Variants in ASB2 observed in about 807,000 individuals in gnomAD.
The protein encoded by ASB2 is ankyrin repeat and SOCS box protein 2.
A neutral mutation model predicts 62.4 loss-of-function variants in ASB2; 58 were observed. That is an observed-to-expected ratio of 0.93 (90% CI 0.75 to 1.16). The LOEUF is 1.16. Among genes scored for constraint, ASB2 ranks in the 50% most tolerant of loss-of-function variants. The pLI is 0.00. For missense variants in ASB2, 928 were observed against 887.9 expected (o/e 1.05, Z -0.57); for synonymous variants, 386 against 385.3 (o/e 1.00, Z -0.02).
At chr14:93,952,913 C>T (rs965326127) in intron 5 of ASB2, among the ~76,000 whole-genome samples, 1 of 152,190 alleles carries the variant, frequency 6.6e-6, no homozygotes, top group African/African-American at 2.4e-5. Context: ...AACAAATGTC[C>T]CAGAGGTACA....
intron 7 of ASB2, among the ~76,000 whole-genome samples, chr14:93,945,528 A>G (rs988067578): frequency 7.9e-5 from 12 of 152,178 alleles, no homozygotes; most frequent in African/African-American, 2.9e-4. Context: ...CAACCCCATG[A>G]GGCGGGTGTA....
chr14:93,964,513 G>T lies in ASB2; in HGVS notation c.27C>A (p.Gly9=). 2.0e-6 allele frequency: 3 copies of T among 1,536,094 alleles called. No homozygotes were observed. Among genetic ancestry groups the T allele is most frequent in the Non-Finnish European group, 2.6e-6 (3 of 1,146,898 alleles). MATQISTR[G]SQCTIGQEEY... is the part of the protein sequence containing the mutation. Reference sequence around the variant, plus strand: ...CCTCCTGCCCAATGGTACACTGGCTGCCCCGAGTGCTGATCTGCGTGGCCA... The same window carrying T: ...CCTCCTGCCCAATGGTACACTGGCTTCCCCGAGTGCTGATCTGCGTGGCCA... Residue 9 remains glycine, a synonymous_variant, in exon 2 of 10, where the codon GGC becomes GGA. Coordinates refer to ENST00000555019, the MANE Select transcript of ASB2 (RefSeq NM_001202429.2).
chr14:93,955,126 G>T (rs905502440), intron 3 of ASB2: 2 of 456,574 alleles, frequency 4.4e-6, no homozygotes, highest in African/African-American at 2.0e-5. Context: ...TGGAGAGTCC[G>T]TGAGAACCAC....
Position 93,947,995 on chromosome 14 carries a change from GAAAAAAAAAAAAA to G in ASB2, c.881-488_881-476del, listed in dbSNP as rs55666799. On this transcript the variant is annotated intron_variant, in intron 6 of 9. Coordinates refer to ENST00000555019, the MANE Select transcript of ASB2 (RefSeq NM_001202429.2). ...GGCAACAAGAGTGAAACTCCGCCTG[GAAAAAAAAAAAAA>G]AAAAAAAAAAGACCCAGGGGCCTGC... Among the ~76,000 whole-genome samples, 48 of 72,496 alleles carry G rather than the reference GAAAAAAAAAAAAA, an allele frequency of 6.6e-4. 2 individuals are homozygous for G. Among genetic ancestry groups the G allele is most frequent in the Admixed American group, 3.6e-3 (20 of 5,536 alleles). 47.6% of individuals were successfully genotyped at this position (72,496 alleles called of 152,430 possible).
At chr14:93,953,936 A>G (rs1315258989) in intron 4 of ASB2, among the ~76,000 whole-genome samples, 2 of 152,196 alleles carry the variant, frequency 1.3e-5, no homozygotes, top group Non-Finnish European at 2.9e-5. Flanking sequence ...GAGAGGAGGC[A>G]CGGCTGTCCC....
At chr14:93,974,697 G>A (rs972238451) in intron 1 of ASB2, among the ~76,000 whole-genome samples, 10 of 152,182 alleles carry the variant, frequency 6.6e-5, no homozygotes, top group African/African-American at 2.2e-4. Flanking sequence ...ACTTGCAGCC[G>A]TCCAGCCTTA....
rs190803629 is a variant in ASB2 at position 93,941,648 on chromosome 14, A to T, written c.1053-1976T>A. ...CCTGGATGGCGGCCACGGCCAACAA[A>T]TGCTCTGCTAACAGCTGTAACGTGC... On this transcript the variant is annotated intron_variant, in intron 7 of 9. Transcript: ENST00000555019. 2.1e-3 allele frequency: 976 copies of T among 455,940 alleles called. 11 individuals are homozygous for T. The highest frequency in any genetic ancestry group is 0.017 in the African/African-American group (869 of 50,092). 28.2% of individuals were successfully genotyped at this position (455,940 alleles called of 1,614,324 possible). A position where few individuals can be genotyped will look rare whatever the true frequency, so the allele number is the denominator to read the frequency against.
intron 9 of ASB2, among the ~76,000 whole-genome samples, chr14:93,935,691 G>A (rs1312682336): frequency 2.6e-5 from 4 of 152,218 alleles, no homozygotes; most frequent in Non-Finnish European, 5.9e-5. Flanking sequence ...GGGCAGGTGG[G>A]ATGTGGAGCA....
At chr14:93,968,786 C>A (rs1889669393) in intron 1 of ASB2, among the ~76,000 whole-genome samples, 1 of 152,214 alleles carries the variant, frequency 6.6e-6, no homozygotes, top group African/African-American at 2.4e-5. Flanking sequence ...TTCTGAGGAG[C>A]AGGACTATGT....
At chr14:93,950,859 A>G (rs1340459932) in intron 6 of ASB2, 140 bp downstream of exon 6, 5 of 981,158 alleles carry the variant, frequency 5.1e-6, no homozygotes, top group Non-Finnish European at 7.7e-6. Context: ...TTCTCAACAC[A>G]GCACTCTAGG....
At chr14:93,936,292 G>A (rs915904046) in intron 9 of ASB2, among the ~76,000 whole-genome samples, 1 of 152,228 alleles carries the variant, frequency 6.6e-6, no homozygotes, top group African/African-American at 2.4e-5. Flanking sequence ...GGTTAAGAAC[G>A]ATTGGTTTTA....
At chr14:93,938,831 C>A (rs377424826) in intron 8 of ASB2, among the ~76,000 whole-genome samples, 1 of 152,222 alleles carries the variant, frequency 6.6e-6, no homozygotes, top group African/African-American at 2.4e-5. Flanking sequence ...TGCTAACCAC[C>A]GGTTCCGCTG....
chr14:93,945,234 G>C (rs901952286), intron 7 of ASB2, among the ~76,000 whole-genome samples: 18 of 152,214 alleles, frequency 1.2e-4, no homozygotes. Flanking sequence ...CCCACTTCCC[G>C]TGTGTTCACT....
Position 93,964,471 on chromosome 14 carries a change from G to A in ASB2, c.69C>T (p.Ser23=), listed in dbSNP as rs1176836010. The part of the protein sequence containing the change: ...TIGQEEYSLY[S]SLSEDELVQM... ...GCACCAGTTCATCCTCGCTCAGGCT[G>A]CTGTACAGGCTGTACTCCTCCTGCC... The change falls in exon 2 of 10, where the codon AGC becomes AGT. Residue 23 remains serine (S), a synonymous_variant. Transcript: ENST00000555019. The A allele has an allele frequency of 6.5e-7, 1 of 1,536,096 alleles. No homozygotes were observed. Among genetic ancestry groups the A allele is most frequent in the Non-Finnish European group, 8.7e-7 (1 of 1,146,898 alleles).
intron 8 of ASB2, 113 bp from the exon 9 acceptor site, chr14:93,937,964 G>GGATC (rs1486627232): frequency 4.4e-6 from 5 of 1,149,064 alleles, no homozygotes; most frequent in Non-Finnish European, 6.1e-6. Context: ...ACCCAGGCTA[G>GGATC]GATCCCCTGA....
Position 93,934,589 on chromosome 14 carries a change from A to T in ASB2, c.*67T>A. ...GTCACCAGGTCCCCTTGGAGTTGGG[A>T]ACACCGACGTCCTGAGACTTAGTAA... On this transcript the variant is annotated 3_prime_UTR_variant, in exon 10 of 10. Transcript: ENST00000555019. The T allele has an allele frequency of 1.3e-6, 2 of 1,556,834 alleles. No homozygotes were observed. The highest frequency in any genetic ancestry group is 4.5e-5 in the East Asian group (2 of 44,346).
intron 7 of ASB2, chr14:93,943,767 C>A (rs1888621415): frequency 5.7e-6 from 2 of 352,340 alleles, no homozygotes; most frequent in Non-Finnish European, 1.1e-5. Flanking sequence ...TCTATGAAGT[C>A]TTGAGCTCTG....
At position 93,939,497 on chromosome 14, in the gene ASB2, G is replaced by C. The variant is rs771406669; in HGVS notation, c.1228C>G (p.Arg410Gly). Residue 410 changes from arginine to glycine, a missense_variant, in exon 8 of 10, where the codon CGG (arginine) becomes GGG (glycine). Transcript: ENST00000555019. ...GCGAAGTACAGCGCGGAGCTGCGCC[G>C]GTCTTCGTAGAGGCGCGCGCGCTCG... The part of the protein sequence containing the change: ...APERARLYED[R>G]RSSALYFAVV... The C allele has an allele frequency of 6.2e-7, 1 of 1,610,506 alleles. No homozygotes were observed. Among genetic ancestry groups the C allele is most frequent in the Middle Eastern group, 1.7e-4 (1 of 6,050 alleles).
chr14:93,973,175 A>G (rs538575084), intron 1 of ASB2, among the ~76,000 whole-genome samples: 19 of 152,188 alleles, frequency 1.2e-4, no homozygotes, highest in Non-Finnish European at 2.1e-4. Context: ...GGTGACAACC[A>G]GGGATTTGAA....
Sources: allele counts gnomAD v4.1 joint callset (sites outside exome capture counted in the v4.1 genomes callset), GRCh38; gene constraint gnomAD v4.1.1; transcripts MANE v1.5; gene names NCBI Gene and HGNC (gene_info 2026-07-23, HGNC 2026-07-21).